Variants in CCDC14 observed in about 807,000 individuals in gnomAD.
CCDC14 encodes the protein coiled-coil domain containing 14, also known as coiled-coil domain-containing protein 14.
A neutral mutation model predicts 81.4 loss-of-function variants in CCDC14; 71 were observed. The observed-to-expected ratio is 0.87, with a 90% CI of 0.72 to 1.06. The LOEUF (loss-of-function observed/expected upper bound fraction) is 1.06, where lower values mean the gene tolerates loss of function less well. Among genes scored for constraint, CCDC14 ranks in the 50% least tolerant of loss-of-function variants. The pLI, the probability that CCDC14 is intolerant of heterozygous loss-of-function variation, is 0.00. For missense variants in CCDC14, 1,046 were observed against 1,047.3 expected, an observed-to-expected ratio of 1.00 and a Z score of 0.02; for synonymous variants, 332 against 364.8, an observed-to-expected ratio of 0.91 and a Z score of 1.03.
At chr3:123,918,932 T>C (rs2700393) in intron 12 of CCDC14, among the ~76,000 whole-genome samples, 123,778 of 152,126 alleles carry the variant, frequency 0.81, 50,855 homozygotes, top group African/African-American at 0.92. Flanking sequence ...CACTATCACA[T>C]CCAAGCCTTC....
chr3:123,903,101 A>G (rs2034210709), intron 5 of CCDC14, among the ~76,000 whole-genome samples: 1 of 152,072 alleles, frequency 6.6e-6, no homozygotes. Context: ...TTAGAAATAC[A>G]TTTATACTTA....
At chr3:123,927,742 G>A (rs1296192455) in intron 12 of CCDC14, among the ~76,000 whole-genome samples, 1 of 151,786 alleles carries the variant, frequency 6.6e-6, no homozygotes, top group Non-Finnish European at 1.5e-5. Flanking sequence ...AAGGCAAATA[G>A]CAAGAATTAA....
At chr3:123,949,722 A>G (rs940356497) in intron 5 of CCDC14, 34 of 153,948 alleles carry the variant, frequency 2.2e-4, no homozygotes, top group African/African-American at 8.0e-4. Context: ...TCACCTTCCA[A>G]TAACATTGTT....
chr3:123,923,718 A>G (rs2035183343), intron 12 of CCDC14, among the ~76,000 whole-genome samples: 2 of 151,182 alleles, frequency 1.3e-5, no homozygotes, highest in Admixed American at 6.6e-5. Flanking sequence ...CACATATATT[A>G]TTAGTATTTA....
At chr3:123,953,556 T>A (rs971957051) in intron 5 of CCDC14, 3 of 152,202 alleles carry the variant, frequency 2.0e-5, no homozygotes, top group Admixed American at 6.5e-5. Flanking sequence ...CTAGCATCCA[T>A]GACACAGTAA....
chr3:123,940,645 C>T (rs2036300241), intron 9 of CCDC14, among the ~76,000 whole-genome samples: 1 of 152,048 alleles, frequency 6.6e-6, no homozygotes, highest in Admixed American at 6.6e-5. Context: ...CATTCACACA[C>T]TCTACCTTCT....
chr3:123,896,985 A>G (rs569235753), downstream of CCDC14, among the ~76,000 whole-genome samples: 1 of 152,290 alleles, frequency 6.6e-6, no homozygotes, highest in South Asian at 2.1e-4. Flanking sequence ...ACTTTAGATC[A>G]GCACCCCAAA....
chr3:123,898,690 C>A (rs73184263), intron 5 of CCDC14, among the ~76,000 whole-genome samples: 1 of 151,852 alleles, frequency 6.6e-6, no homozygotes, highest in African/African-American at 2.4e-5. Context: ...TATCCCAGTA[C>A]GTTTTCTTTT....
chr3:123,944,685 T>G (rs563841897), intron 9 of CCDC14, among the ~76,000 whole-genome samples, 164 bp downstream of exon 9: 2 of 152,244 alleles, frequency 1.3e-5, no homozygotes, highest in African/African-American at 4.8e-5. Context: ...AAGGAAGAGT[T>G]AGAGAATGCT....
In CCDC14 at chr3:123,915,563, T is replaced by A; in HGVS notation, c.1934A>T (p.Tyr645Phe). The A allele has an allele frequency of 6.2e-7, 1 of 1,614,052 alleles. No homozygotes were observed. Among genetic ancestry groups the A allele is most frequent in the South Asian group, 1.1e-5 (1 of 91,082 alleles). Reference protein sequence around the residue: ...PAPAHTSIMSYLNKLETNYSF... With the variant: ...PAPAHTSIMSFLNKLETNYSF... ...GTAATTTGTTTCTAACTTATTTAGA[T>A]AGCTCATTATGGAAGTGTGAGCAGG... Residue 645 changes from tyrosine (Y) to phenylalanine (F), a missense_variant, in exon 13 of 13, where the codon TAT becomes TTT. Transcript: ENST00000409697.
chr3:123,950,531 A>T (rs1329088074), intron 5 of CCDC14, among the ~76,000 whole-genome samples: 2 of 152,224 alleles, frequency 1.3e-5, no homozygotes, highest in African/African-American at 4.8e-5. Context: ...GGTCAAACAC[A>T]AGGGCGCACA....
chr3:123,951,238 C>T (rs1020274242), intron 5 of CCDC14, among the ~76,000 whole-genome samples: 18 of 152,088 alleles, frequency 1.2e-4, no homozygotes, highest in African/African-American at 3.9e-4. Context: ...CAATGTCTAC[C>T]ACACAGTAAA....
At chr3:123,938,926 A>G (rs1235169371) in intron 9 of CCDC14, among the ~76,000 whole-genome samples, 2 of 151,884 alleles carry the variant, frequency 1.3e-5, no homozygotes, top group African/African-American at 4.8e-5. Flanking sequence ...TGGAATTCAT[A>G]TTGTCAAGAT....
Position 123,955,915 on chromosome 3 carries a change from T to C in CCDC14, c.280A>G (p.Ser94Gly). Residue 94 changes from serine to glycine, a missense_variant, in exon 5 of 13, where the codon AGC (serine) becomes GGC (glycine). By Grantham distance (56) the Ser-to-Gly change is moderately conservative. Coordinates refer to ENST00000409697, the MANE Select transcript of CCDC14 (RefSeq NM_001366335.1). ...ENRSNSRPLE[S>G]KRYGSKKKRH... ...TTCTTTTTTGATCCGTATCTTTTGC[T>C]TTCTAAAGGTCTAGAATTAGATCTG... 6.5e-7 allele frequency: 1 copy of C among 1,537,044 alleles called. No individual in the cohort carries two copies. Among genetic ancestry groups the C allele is most frequent in the Non-Finnish European group, 8.8e-7 (1 of 1,137,530 alleles).
the CCDC14 span, among the ~76,000 whole-genome samples, chr3:123,888,990 A>T: frequency 2.0e-4 from 31 of 152,212 alleles, no homozygotes; most frequent in Non-Finnish European, 3.4e-4. Context: ...AAAAATCCAC[A>T]GTCTAAAGTC....
At chr3:123,919,462 A>G (rs1450918330) in intron 12 of CCDC14, among the ~76,000 whole-genome samples, 2 of 152,076 alleles carry the variant, frequency 1.3e-5, no homozygotes, top group Non-Finnish European at 2.9e-5. Context: ...GCCCAATTAG[A>G]TTCTAAACAG....
chr3:123,949,040 C>G lies in CCDC14; in HGVS notation c.445G>C (p.Asp149His), dbSNP rs1484785556. 6.2e-6 allele frequency: 10 copies of G among 1,613,578 alleles called. No individual in the cohort carries two copies. The highest frequency in any genetic ancestry group is 3.3e-4 in the Middle Eastern group (2 of 6,084). Residue 149 changes from aspartate (D) to histidine (H), a missense_variant, in exon 6 of 13, where the codon GAT becomes CAT. Coordinates refer to ENST00000409697, the MANE Select transcript of CCDC14 (RefSeq NM_001366335.1). ...ATGGGTGAATACATTCTATAATGAT[C>G]TTGCAATGACCAGTTTTGCTCTAGG... ...SDLEQNWSLQ[D>H]HYRMYSPIIY... is the part of the protein sequence containing the mutation.
Position 123,947,127 on chromosome 3 carries a change from T to C in CCDC14, c.877A>G (p.Ile293Val). 6.2e-7 allele frequency: 1 copy of C among 1,613,956 alleles called. No individual in the cohort carries two copies. Among genetic ancestry groups the C allele is most frequent in the Non-Finnish European group, 8.5e-7 (1 of 1,179,880 alleles). Residue 293 changes from isoleucine to valine, a missense_variant, in exon 8 of 13, where the codon ATT becomes GTT. Transcript: ENST00000409697. ...TTTAGTAGGTCTGTTTCCTTATGAA[T>C]TCCTTGTTGTGGCAGAATTCCATTA... is the stretch of plus-strand genomic sequence containing the variant. ...LVNGILPQQG[I>V]HKETDLLKCI... is the part of the protein sequence containing the mutation.
At chr3:123,934,871 A>C (rs1324341136) in intron 9 of CCDC14, among the ~76,000 whole-genome samples, 1 of 152,212 alleles carries the variant, frequency 6.6e-6, no homozygotes, top group East Asian at 1.9e-4. Context: ...TATGTAAACA[A>C]AACCCAACTA....
Sources: gnomAD v4.1 joint callset for allele counts (sites outside exome capture counted in the v4.1 genomes callset) on GRCh38, gnomAD v4.1.1 for gene constraint, MANE v1.5 for transcripts, NCBI Gene and HGNC (gene_info 2026-07-23, HGNC 2026-07-21) for gene names.